Variants in FOXN3 observed in about 807,000 individuals in gnomAD.
FOXN3 encodes forkhead box protein N3.
In FOXN3, 7 loss-of-function variants were observed where a neutral mutation model predicts 38.4. The observed-to-expected ratio is 0.18, with a 90% CI of 0.10 to 0.34. The LOEUF is 0.34. FOXN3 is among the 10% of genes least tolerant of loss of function. The pLI, the probability that FOXN3 is intolerant of heterozygous loss-of-function variation, is 1.00. For synonymous variants in FOXN3, 230 were observed against 242.2 expected (o/e 0.95, Z 0.47); for missense variants, 456 against 613.4 (o/e 0.74, Z 2.71).
chr14:89,241,388 C>T (rs1885135766), intron 4 of FOXN3, among the ~76,000 whole-genome samples: 1 of 152,162 alleles, frequency 6.6e-6, no homozygotes, highest in Non-Finnish European at 1.5e-5. Context: ...CATGAGGTGG[C>T]CACCGTGAGC....
intron 4 of FOXN3, among the ~76,000 whole-genome samples, chr14:89,183,343 TA>T (rs1021376130): frequency 4.6e-5 from 7 of 152,226 alleles, no homozygotes; most frequent in African/African-American, 1.7e-4. Flanking sequence ...AATACAGTTG[TA>T]ATTCACGTCA....
At chr14:89,460,323 G>A (rs1892818402) in intron 1 of FOXN3, among the ~76,000 whole-genome samples, 1 of 152,142 alleles carries the variant, frequency 6.6e-6, no homozygotes, top group South Asian at 2.1e-4. Flanking sequence ...TGTTTCATCT[G>A]TGTGGGATCT....
At chr14:89,404,154 G>GC in intron 2 of FOXN3, among the ~76,000 whole-genome samples, 1 of 152,074 alleles carries the variant, frequency 6.6e-6, no homozygotes, top group Non-Finnish European at 1.5e-5. Context: ...ACGGAAATGT[G>GC]CCCCCACCCA....
intron 2 of FOXN3, among the ~76,000 whole-genome samples, chr14:89,379,326 T>C (rs1042938155): frequency 2.0e-4 from 30 of 152,152 alleles, no homozygotes; most frequent in African/African-American, 5.1e-4. Context: ...TCGAAAGATT[T>C]TGCTGGATTC....
chr14:89,273,379 A>G (rs1435944471), intron 4 of FOXN3, among the ~76,000 whole-genome samples: 1 of 152,228 alleles, frequency 6.6e-6, no homozygotes. Flanking sequence ...TTCTGTTCAC[A>G]AAACTGCCAT....
At chr14:89,424,108 C>T (rs1891973538) in intron 1 of FOXN3, among the ~76,000 whole-genome samples, 1 of 152,330 alleles carries the variant, frequency 6.6e-6, no homozygotes, top group African/African-American at 2.4e-5. Flanking sequence ...ATCACAAAAA[C>T]TTGGAAATTG....
chr14:89,520,210 C>T (rs1331643303), intron 1 of FOXN3, among the ~76,000 whole-genome samples: 2 of 149,420 alleles, frequency 1.3e-5, no homozygotes, highest in African/African-American at 2.5e-5. Flanking sequence ...ACAGGGGTTT[C>T]GCCATGTTGT....
chr14:89,487,339 G>A (rs147178820), intron 1 of FOXN3, among the ~76,000 whole-genome samples: 6 of 152,322 alleles, frequency 3.9e-5, no homozygotes, highest in East Asian at 1.9e-4. Context: ...ATTAGCCTAC[G>A]CGCTGTAGTC....
intron 3 of FOXN3, among the ~76,000 whole-genome samples, chr14:89,286,855 G>T (rs1307851790): frequency 2.0e-5 from 3 of 152,100 alleles, no homozygotes; most frequent in Admixed American, 2.0e-4. Context: ...TAAGAACACA[G>T]ATGAAAGTTC....
intron 2 of FOXN3, among the ~76,000 whole-genome samples, chr14:89,405,114 G>T (rs1231834530): frequency 6.6e-6 from 1 of 151,984 alleles, no homozygotes; most frequent in Non-Finnish European, 1.5e-5. Context: ...ACACATAGAG[G>T]TGCAACCTCA....
intron 1 of FOXN3, among the ~76,000 whole-genome samples, chr14:89,514,952 C>T (rs1368152105): frequency 3.3e-5 from 5 of 151,678 alleles, no homozygotes; most frequent in Admixed American, 2.0e-4. Context: ...GACGGAGTCT[C>T]GCCGTCTCCT....
intron 1 of FOXN3, among the ~76,000 whole-genome samples, chr14:89,550,144 G>A (rs966529368): frequency 7.9e-5 from 12 of 152,112 alleles, no homozygotes; most frequent in Admixed American, 5.2e-4. Flanking sequence ...GAGCACCCAT[G>A]AGCTCCAAAC....
rs116320787 is a variant in FOXN3 at position 89,239,698 on chromosome 14, C to A, written c.745+41252G>T. Among the ~76,000 whole-genome samples, 271 of 152,248 alleles carry A rather than the reference C, an allele frequency of 1.8e-3. 1 individual carries two copies. Among genetic ancestry groups the A allele is most frequent in the Non-Finnish European group, 3.0e-3 (207 of 68,012 alleles). ...CTTAGCCCATGCCTCTACTGTCAAT[C>A]GTTTTATTTATGGTGATGATAATAA... On this transcript the variant is annotated intron_variant, in intron 4 of 5. Coordinates refer to ENST00000557258, the MANE Select transcript of FOXN3 (RefSeq NM_005197.4).
chr14:89,184,781 G>A (rs1032789301), intron 4 of FOXN3, among the ~76,000 whole-genome samples: 3 of 152,286 alleles, frequency 2.0e-5, no homozygotes, highest in Middle Eastern at 3.4e-3. Context: ...TGGCTGGCTC[G>A]TTATGTAAGC....
chr14:89,190,433 A>T, intron 4 of FOXN3: 1 of 1,614,034 alleles, frequency 6.2e-7, no homozygotes, highest in East Asian at 2.2e-5. Flanking sequence ...TGGCACTGGC[A>T]GCATCAATGT....
At chr14:89,189,784 AAAG>A (rs1030440696) in intron 4 of FOXN3, among the ~76,000 whole-genome samples, 3 of 152,222 alleles carry the variant, frequency 2.0e-5, no homozygotes, top group Admixed American at 1.3e-4. Context: ...AGGCCAACAA[AAAG>A]AAGGTGAGGA....
At chr14:89,189,203 G>A (rs903923646) in intron 4 of FOXN3, among the ~76,000 whole-genome samples, 1 of 152,148 alleles carries the variant, frequency 6.6e-6, no homozygotes, top group African/African-American at 2.4e-5. Flanking sequence ...AAGCAGAGGG[G>A]CTATGACGGA....
intron 4 of FOXN3, among the ~76,000 whole-genome samples, chr14:89,214,172 C>CTTAGCAT (rs11283063): frequency 0.79 from 119,346 of 151,572 alleles, 47,113 homozygotes; most frequent in African/African-American, 0.85. Context: ...GGGCAGGTTT[C>CTTAGCAT]GGATGGCCAC....
chr14:89,596,223 C>T (rs888910631), intron 1 of FOXN3, among the ~76,000 whole-genome samples: 12 of 152,216 alleles, frequency 7.9e-5, no homozygotes, highest in East Asian at 3.9e-4. Context: ...CTGCAACCTC[C>T]GCCTCCCCGG....
Sources: allele counts gnomAD v4.1 joint callset (sites outside exome capture counted in the v4.1 genomes callset), GRCh38; gene constraint gnomAD v4.1.1; transcripts MANE v1.5; gene names NCBI Gene and HGNC (gene_info 2026-07-23, HGNC 2026-07-21).